Variants in STK3 observed in about 807,000 individuals in gnomAD.
The protein encoded by STK3 is serine/threonine kinase 3.
Under a neutral mutation model 58.0 loss-of-function variants are expected in STK3, and 41 were observed. The ratio of observed to expected loss-of-function variants is 0.71; its 90% confidence interval spans 0.55 to 0.92. The LOEUF is 0.92. Ranked by LOEUF, STK3 falls within the 40% of genes least tolerant of loss-of-function variation. The pLI is 0.00. For missense variants in STK3, 479 were observed against 602.7 expected (o/e 0.79, Z 2.15); for synonymous variants, 170 against 191.0 (o/e 0.89, Z 0.91).
At chr8:98,906,784 T>A (rs1422605994) in intron 1 of STK3, among the ~76,000 whole-genome samples, 1 of 151,682 alleles carries the variant, frequency 6.6e-6, no homozygotes, top group Non-Finnish European at 1.5e-5. Flanking sequence ...CTCTACCAAT[T>A]TTCCTGACCA....
intron 10 of STK3, among the ~76,000 whole-genome samples, chr8:98,504,655 G>T (rs1381168425): frequency 6.6e-6 from 1 of 152,158 alleles, no homozygotes; most frequent in African/African-American, 2.4e-5. Context: ...ATGAAGCTTA[G>T]TTTGGCTAGA....
At position 98,579,843 on chromosome 8, in the gene STK3, C is replaced by T. The variant is rs555602478; in HGVS notation, c.823-54G>A. The T allele has an allele frequency of 4.0e-5, 58 of 1,457,928 alleles. 1 individual carries two copies. The East Asian group carries it at 1.3e-3, about 34-fold the overall frequency. 90.3% of individuals were successfully genotyped at this position (1,457,928 alleles called of 1,614,324 possible). On this transcript the variant is annotated intron_variant, in intron 7 of 10. Coordinates refer to ENST00000419617, the MANE Select transcript of STK3 (RefSeq NM_006281.4). ...TTCAAAAGATTTTTCCGAATTATAGCTAACAAATGTTAAAACAACATGTAA... is the reference window on the plus strand; with the variant it reads ...TTCAAAAGATTTTTCCGAATTATAGTTAACAAATGTTAAAACAACATGTAA...
chr8:98,893,473 A>T lies in STK3; in HGVS notation c.-78-9639T>A, dbSNP rs951839973. On this transcript the variant is annotated intron_variant, in intron 1 of 1. Coordinates refer to the STK3 transcript ENST00000519420. Reference sequence around the variant, plus strand: ...AAGAAAGAAAGAAAGAAAGAAAGAAAGAAAGAAAGAAAGAGAAAGAAAGAA... The same window carrying T: ...AAGAAAGAAAGAAAGAAAGAAAGAATGAAAGAAAGAAAGAGAAAGAAAGAA... 3.6e-5 allele frequency among the ~76,000 whole-genome samples: 3 copies of T among 83,516 alleles called. No homozygotes were observed. In the East Asian group the frequency reaches 1.1e-3, roughly 30 times the overall value. 54.8% of individuals were successfully genotyped at this position (83,516 alleles called of 152,430 possible). A position where few individuals can be genotyped will look rare whatever the true frequency, so the allele number is the denominator to read the frequency against.
chr8:98,751,459 C>G (rs907025427), intron 3 of STK3, among the ~76,000 whole-genome samples: 2 of 152,110 alleles, frequency 1.3e-5, no homozygotes, highest in Non-Finnish European at 2.9e-5. Context: ...TATATACCAA[C>G]AACAGTCAAG....
chr8:98,587,607 A>G (rs932239724), intron 7 of STK3, among the ~76,000 whole-genome samples: 5 of 152,118 alleles, frequency 3.3e-5, no homozygotes, highest in African/African-American at 1.2e-4. Context: ...GTAGATGTCT[A>G]TTAGTTCCGC....
chr8:98,651,049 C>G (rs1376774479), intron 6 of STK3, among the ~76,000 whole-genome samples: 3 of 152,266 alleles, frequency 2.0e-5, no homozygotes, highest in Non-Finnish European at 4.4e-5. Flanking sequence ...TCAAGTGGGT[C>G]CCTGACCCCT....
In STK3 at chr8:98,836,422, G is replaced by T. The variant is rs576719021; in HGVS notation, c.110+47225C>A. Among the ~76,000 whole-genome samples, 20 of 152,276 alleles carry T rather than the reference G, an allele frequency of 1.3e-4. No individual in the cohort carries two copies. The South Asian group carries it at 4.1e-3, about 32-fold the overall frequency. ...TTCCATTAATGAGGGTAGCCCTCAT[G>T]ACTTAATCACCTCCCAAGTCCCCAT... On this transcript the variant is annotated intron_variant, in intron 3 of 12. Coordinates refer to the STK3 transcript ENST00000523601.
intron 10 of STK3, among the ~76,000 whole-genome samples, chr8:98,513,060 C>T (rs764414978): frequency 6.6e-6 from 1 of 152,118 alleles, no homozygotes; most frequent in Non-Finnish European, 1.5e-5. Flanking sequence ...ACATGAAATG[C>T]TCTAAAATGT....
chr8:98,914,142 T>TA (rs1367961286), intron 1 of STK3, among the ~76,000 whole-genome samples: 1 of 151,214 alleles, frequency 6.6e-6, no homozygotes, highest in Non-Finnish European at 1.5e-5. Context: ...TCTATAAAGA[T>TA]AAAAAATATA....
intron 10 of STK3, among the ~76,000 whole-genome samples, chr8:98,474,770 T>C (rs1008593393): frequency 4.6e-5 from 7 of 152,190 alleles, no homozygotes; most frequent in African/African-American, 7.2e-5. Flanking sequence ...TTTCTCCATA[T>C]ACCTAAAGAT....
intron 9 of STK3, among the ~76,000 whole-genome samples, chr8:98,543,110 G>C (rs1810425068): frequency 6.6e-6 from 1 of 152,182 alleles, no homozygotes; most frequent in Non-Finnish European, 1.5e-5. Flanking sequence ...GATAGAGGAA[G>C]CAACCTCTTA....
At chr8:98,350,134 C>A in the STK3 span, among the ~76,000 whole-genome samples, 4 of 152,188 alleles carry the variant, frequency 2.6e-5, no homozygotes, top group African/African-American at 9.7e-5. Flanking sequence ...ACCCAAGTCA[C>A]CTCTTGAATG....
chr8:98,932,378 AG>A (rs1275240590), intron 1 of STK3, among the ~76,000 whole-genome samples: 1 of 152,186 alleles, frequency 6.6e-6, no homozygotes, highest in East Asian at 1.9e-4. Flanking sequence ...TAGTCATTGG[AG>A]GAGGTCTTTA....
intron 3 of STK3, among the ~76,000 whole-genome samples, chr8:98,410,384 T>C (rs1818041230): frequency 6.6e-6 from 1 of 152,174 alleles, no homozygotes; most frequent in Admixed American, 6.5e-5. Context: ...CACTAACATG[T>C]GGCCCTATCT....
At chr8:98,844,560 G>T (rs1836123452) in intron 3 of STK3, among the ~76,000 whole-genome samples, 1 of 152,020 alleles carries the variant, frequency 6.6e-6, no homozygotes, top group South Asian at 2.1e-4. Context: ...CTACCTCTTG[G>T]GCTCAAGCCA....
At position 98,639,052 on chromosome 8, in the gene STK3, G is replaced by A. The variant is rs371090017; in HGVS notation, c.685-42883C>T. Among the ~76,000 whole-genome samples, 10 of 151,750 alleles carry A rather than the reference G, an allele frequency of 6.6e-5. No homozygotes were observed. In the East Asian group the frequency reaches 1.9e-3, roughly 29 times the overall value. Reference sequence around the variant, plus strand: ...CAACTACGCATAAAGCTGTGAAAAGGCAATAGTTATACTAGTCTGTAGAAA... The same window carrying A: ...CAACTACGCATAAAGCTGTGAAAAGACAATAGTTATACTAGTCTGTAGAAA... On this transcript the variant is annotated intron_variant, in intron 6 of 10. Transcript: ENST00000419617.
At chr8:98,900,813 C>G (rs547067642) in intron 1 of STK3, among the ~76,000 whole-genome samples, 1 of 151,992 alleles carries the variant, frequency 6.6e-6, no homozygotes, top group East Asian at 1.9e-4. Flanking sequence ...AGGTGCACGC[C>G]ATGACACCAA....
chr8:98,817,386 G>A (rs886462429), intron 1 of STK3, among the ~76,000 whole-genome samples: 7 of 151,540 alleles, frequency 4.6e-5, no homozygotes, highest in African/African-American at 1.7e-4. Context: ...CCTATAAGGC[G>A]GAGGTTGCAG....
chr8:98,810,890 G>C (rs1349291819), intron 1 of STK3, among the ~76,000 whole-genome samples: 1 of 152,096 alleles, frequency 6.6e-6, no homozygotes, highest in Non-Finnish European at 1.5e-5. Flanking sequence ...GCTGTTTAAA[G>C]AGCCTGGCAC....
Sources: gnomAD v4.1 joint callset for allele counts (sites outside exome capture counted in the v4.1 genomes callset) on GRCh38, gnomAD v4.1.1 for gene constraint, MANE v1.5 for transcripts, NCBI Gene and HGNC (gene_info 2026-07-23, HGNC 2026-07-21) for gene names.